HGSNAT: variants seen among roughly 807,000 people sequenced by gnomAD.
HGSNAT encodes heparan-alpha-glucosaminide N-acetyltransferase.
Under a neutral mutation model 85.2 loss-of-function variants are expected in HGSNAT, and 59 were observed. The ratio of observed to expected loss-of-function variants is 0.69; its 90% confidence interval spans 0.56 to 0.86. The LOEUF (loss-of-function observed/expected upper bound fraction) is 0.86. Ranked by LOEUF, HGSNAT falls within the 40% of genes least tolerant of loss-of-function variation. The pLI is 0.00. For synonymous variants in HGSNAT, 321 were observed against 304.5 expected, an observed-to-expected ratio of 1.05 and a Z score of -0.56; for missense variants, 756 against 777.1, an observed-to-expected ratio of 0.97 and a Z score of 0.32.
chr8:43,188,454 T>C (rs1272136816), intron 11 of HGSNAT, among the ~76,000 whole-genome samples: 1 of 152,258 alleles, frequency 6.6e-6, no homozygotes, highest in Non-Finnish European at 1.5e-5. Context: ...AGCTTGTGCA[T>C]GCATCACGTA....
At chr8:43,173,807 A>G in intron 9 of HGSNAT, 64 bp downstream of exon 9, 2 of 1,533,292 alleles carry the variant, frequency 1.3e-6, no homozygotes, top group Non-Finnish European at 1.8e-6. Flanking sequence ...TTTTCAGATG[A>G]TGCTGGAGCC....
intron 9 of HGSNAT, 120 bp downstream of exon 9, chr8:43,173,863 A>AGAAGTCCTTCC (rs1803719003): frequency 1.9e-6 from 2 of 1,042,764 alleles, no homozygotes; most frequent in Non-Finnish European, 2.8e-6. Flanking sequence ...AAGTCCTTCC[A>AGAAGTCCTTCC]AAAGTCCTGT....
At chr8:43,177,893 T>A (rs1009948945) in intron 9 of HGSNAT, among the ~76,000 whole-genome samples, 181 bp from the exon 10 acceptor site, 1 of 152,216 alleles carries the variant, frequency 6.6e-6, no homozygotes, top group South Asian at 2.1e-4. Flanking sequence ...TCAAAAACCT[T>A]CCAGCCCCAT....
chr8:43,165,044 A>ATTTTTTTTTTTTTTTTTTTTTTTTTT (rs1175997527), intron 5 of HGSNAT, among the ~76,000 whole-genome samples: 1 of 72,032 alleles, frequency 1.4e-5, no homozygotes, highest in African/African-American at 5.0e-5. Context: ...CACCATGATA[A>ATTTTTTTTTTTTTTTTTTTTTTTTTT]TTTTTTTTTT....
intron 1 of HGSNAT, among the ~76,000 whole-genome samples, chr8:43,142,780 T>C (rs1244870743): frequency 6.6e-6 from 1 of 152,236 alleles, no homozygotes; most frequent in East Asian, 1.9e-4. Context: ...CTCTGCACAT[T>C]CCCAAATAGC....
At chr8:43,146,815 C>T (rs577650084) in intron 1 of HGSNAT, 133 bp from the exon 2 acceptor site, 3 of 598,196 alleles carry the variant, frequency 5.0e-6, no homozygotes, top group East Asian at 5.6e-5. Flanking sequence ...GTGTGAGAGA[C>T]CCCAGAAATC....
At chr8:43,178,350 T>G in intron 10 of HGSNAT, 116 bp downstream of exon 10, 1 of 711,368 alleles carries the variant, frequency 1.4e-6, no homozygotes. Context: ...GAATAATCAT[T>G]AGGAAAGTAT....
In HGSNAT at chr8:43,170,698, T is replaced by C. The variant is rs765682296; in HGVS notation, c.743+4T>C. 6.3e-7 allele frequency: 1 copy of C among 1,584,110 alleles called. No individual in the cohort carries two copies. The highest frequency in any genetic ancestry group is 8.6e-7 in the Non-Finnish European group (1 of 1,163,210). On this transcript the variant is annotated splice_donor_region_variant and intron_variant, in intron 7 of 17. Transcript: ENST00000379644. ...GCAGCGTGGACACCTTCAGGGGGTA[T>C]GTGGGCCTCCCTGTAGCACAGTGGG...
At chr8:43,162,113 A>T (rs1803285317) in intron 5 of HGSNAT, among the ~76,000 whole-genome samples, 1 of 152,284 alleles carries the variant, frequency 6.6e-6, no homozygotes, top group Non-Finnish European at 1.5e-5. Flanking sequence ...GTTTTAATTA[A>T]CTTTCAAAGG....
At chr8:43,177,350 G>A (rs1803845588) in intron 9 of HGSNAT, among the ~76,000 whole-genome samples, 1 of 151,752 alleles carries the variant, frequency 6.6e-6, no homozygotes, top group South Asian at 2.1e-4. Flanking sequence ...GGGAGATTGA[G>A]ACCATCCTGG....
chr8:43,187,035 A>G lies in HGSNAT; in HGVS notation c.1129-4439A>G, dbSNP rs1804338938. Among the ~76,000 whole-genome samples, 3 of 152,248 alleles carry G rather than the reference A, an allele frequency of 2.0e-5. No homozygotes were observed. In the South Asian group the frequency reaches 6.2e-4, roughly 32 times the overall value. ...TTTGTTATAATTTCTGTTCTTTTAC[A>G]TTTGCTGAGGAGTGCTTTACTTCCA... On this transcript the variant is annotated intron_variant, in intron 11 of 17. Transcript: ENST00000379644.
chr8:43,166,564 C>T (rs1027497014), intron 5 of HGSNAT, among the ~76,000 whole-genome samples: 2 of 152,086 alleles, frequency 1.3e-5, no homozygotes, highest in African/African-American at 2.4e-5. Flanking sequence ...TATTTTAAGC[C>T]TACTGTCGAG....
intron 1 of HGSNAT, 52 bp downstream of exon 1, chr8:43,140,666 C>G (rs1482196275): frequency 6.4e-6 from 6 of 941,582 alleles, no homozygotes; most frequent in Admixed American, 4.5e-5. Flanking sequence ...GCAGCGTCTC[C>G]TCTCCGCGGC....
At chr8:43,163,967 T>C (rs1314551127) in intron 5 of HGSNAT, among the ~76,000 whole-genome samples, 1 of 152,218 alleles carries the variant, frequency 6.6e-6, no homozygotes, top group African/African-American at 2.4e-5. Flanking sequence ...GGATACTGAA[T>C]TGAACCACTG....
At chr8:43,172,226 T>C (rs150351749) in intron 7 of HGSNAT, 84 bp from the exon 8 acceptor site, 1 of 917,882 alleles carries the variant, frequency 1.1e-6, no homozygotes, top group Non-Finnish European at 1.8e-6. Flanking sequence ...GATTGCACCT[T>C]GTGAGTATAA....
intron 7 of HGSNAT, among the ~76,000 whole-genome samples, 162 bp downstream of exon 7, chr8:43,170,856 C>G (rs1168108177): frequency 2.0e-5 from 3 of 152,252 alleles, no homozygotes; most frequent in African/African-American, 4.8e-5. Context: ...CCTCTCCAGT[C>G]TGGAAGACCA....
At chr8:43,142,590 G>A (rs1446980765) in intron 1 of HGSNAT, among the ~76,000 whole-genome samples, 2 of 152,042 alleles carry the variant, frequency 1.3e-5, no homozygotes, top group South Asian at 2.1e-4. Context: ...CTTCACCCTC[G>A]GCTGCACACT....
intron 11 of HGSNAT, among the ~76,000 whole-genome samples, chr8:43,190,922 C>T (rs1040207313): frequency 5.3e-5 from 8 of 152,142 alleles, no homozygotes; most frequent in African/African-American, 1.4e-4. Flanking sequence ...ATCACAACTC[C>T]CCCAGCCCCA....
chr8:43,163,820 T>G (rs1264136481), intron 5 of HGSNAT, among the ~76,000 whole-genome samples: 2 of 152,186 alleles, frequency 1.3e-5, no homozygotes, highest in Non-Finnish European at 2.9e-5. Flanking sequence ...CTGGCCACCC[T>G]TCTTTAGATG....
Sources: gnomAD v4.1 joint callset for allele counts (sites outside exome capture counted in the v4.1 genomes callset) on GRCh38, gnomAD v4.1.1 for gene constraint, MANE v1.5 for transcripts, NCBI Gene and HGNC (gene_info 2026-07-23, HGNC 2026-07-21) for gene names.